The following CADM2 variants were observed in gnomAD, a reference collection of about 807,000 sequenced individuals.
CADM2 encodes the protein immunoglobulin superfamily member 4D.
A neutral mutation model predicts 49.8 loss-of-function variants in CADM2; 12 were observed. The ratio of observed to expected loss-of-function variants is 0.24; its 90% confidence interval spans 0.15 to 0.39. The LOEUF (loss-of-function observed/expected upper bound fraction) is 0.39. Ranked by LOEUF, CADM2 falls within the 10% of genes least tolerant of loss-of-function variation. The pLI, the probability that CADM2 is intolerant of heterozygous loss-of-function variation, is 1.00. For missense variants in CADM2, 378 were observed against 492.3 expected, an observed-to-expected ratio of 0.77 and a Z score of 2.20; for synonymous variants, 214 against 175.4, an observed-to-expected ratio of 1.22 and a Z score of -1.74.
intron 1 of CADM2, among the ~76,000 whole-genome samples, chr3:85,104,187 C>T (rs955569716): frequency 6.6e-6 from 1 of 150,686 alleles, no homozygotes; most frequent in Non-Finnish European, 1.5e-5. Context: ...TTAGGTCTAA[C>T]GTTTAAGTCT....
chr3:85,541,775 T>TA lies in CADM2; in HGVS notation c.62-184747_62-184746insA, dbSNP rs1559897737. On this transcript the variant is annotated intron_variant, in intron 1 of 9. Transcript: ENST00000383699. ...ATATTTTATATATATATTTTATATT[T>TA]TATATATATATATATATATGTATAG... 7.9e-4 allele frequency among the ~76,000 whole-genome samples: 70 copies of TA among 88,310 alleles called. 3 individuals carry two copies. Among genetic ancestry groups the TA allele is most frequent in the African/African-American group, 2.0e-3 (60 of 30,736 alleles). The allele number at this position is 88,310 out of a possible 152,430, so 57.9% of individuals were successfully genotyped here. A position where few individuals can be genotyped will look rare whatever the true frequency, so the allele number is the denominator to read the frequency against.
intron 1 of CADM2, among the ~76,000 whole-genome samples, chr3:85,433,370 T>A (rs779592003): frequency 6.6e-6 from 1 of 152,112 alleles, no homozygotes; most frequent in Non-Finnish European, 1.5e-5. Context: ...TGTGTATGCA[T>A]GTGTGTGTTC....
chr3:85,531,324 C>A (rs2061304127), intron 1 of CADM2, among the ~76,000 whole-genome samples: 1 of 152,110 alleles, frequency 6.6e-6, no homozygotes, highest in Non-Finnish European at 1.5e-5. Flanking sequence ...GACATAAAGA[C>A]ACTTATTTGG....
intron 1 of CADM2, among the ~76,000 whole-genome samples, chr3:85,191,074 C>A (rs1435440640): frequency 2.0e-5 from 3 of 151,856 alleles, no homozygotes; most frequent in East Asian, 1.9e-4. Flanking sequence ...ATTCTGTTGG[C>A]AAAATATATT....
chr3:85,349,244 T>C lies in CADM2; in HGVS notation c.62-377278T>C, dbSNP rs562180840. Among the ~76,000 whole-genome samples, 10 of 152,336 alleles carry C rather than the reference T, an allele frequency of 6.6e-5. 1 individual carries two copies. The highest frequency in any genetic ancestry group is 2.4e-4 in the African/African-American group (10 of 41,588). On this transcript the variant is annotated intron_variant, in intron 1 of 9. Coordinates refer to ENST00000383699, the MANE Select transcript of CADM2 (RefSeq NM_001167675.2). ...TATTAAGGTTTAACGTTCAGAGGTT[T>C]AACCATAAGTGAAAGAGTTAAATGA...
chr3:85,504,787 G>A (rs2040257356), intron 1 of CADM2, among the ~76,000 whole-genome samples: 2 of 152,226 alleles, frequency 1.3e-5, no homozygotes, highest in African/African-American at 4.8e-5. Context: ...GGGAGGCTCA[G>A]GCATGGCGGT....
At chr3:85,396,293 A>T (rs1020435762) in intron 1 of CADM2, among the ~76,000 whole-genome samples, 2 of 151,812 alleles carry the variant, frequency 1.3e-5, no homozygotes, top group African/African-American at 4.8e-5. Flanking sequence ...TTATTCATAT[A>T]TAATTATTTT....
At chr3:85,214,942 T>C (rs1295490389) in intron 1 of CADM2, among the ~76,000 whole-genome samples, 1 of 152,050 alleles carries the variant, frequency 6.6e-6, no homozygotes, top group East Asian at 1.9e-4. Context: ...TGTTTGGTGC[T>C]CTACCCCACT....
chr3:85,809,233 G>C (rs1343798251), intron 3 of CADM2, among the ~76,000 whole-genome samples: 1 of 152,092 alleles, frequency 6.6e-6, no homozygotes, highest in East Asian at 1.9e-4. Flanking sequence ...TATTTTATAT[G>C]TAAAGACACT....
intron 1 of CADM2, among the ~76,000 whole-genome samples, chr3:85,131,147 C>G (rs2039216686): frequency 6.6e-6 from 1 of 151,614 alleles, no homozygotes; most frequent in East Asian, 1.9e-4. Flanking sequence ...CCATTGCACT[C>G]CAGCCTGGGC....
intron 5 of CADM2, among the ~76,000 whole-genome samples, chr3:85,896,986 G>A (rs1472867564): frequency 6.6e-6 from 1 of 152,028 alleles, no homozygotes; most frequent in Non-Finnish European, 1.5e-5. Context: ...TATTTCTCAT[G>A]TATCTGTAAT....
chr3:86,047,262 T>C (rs967327149), intron 8 of CADM2, among the ~76,000 whole-genome samples: 24 of 152,164 alleles, frequency 1.6e-4, no homozygotes, highest in African/African-American at 5.8e-4. Context: ...TTAAGTCAAG[T>C]AATCCCAAAT....
At position 85,845,077 on chromosome 3, in the gene CADM2, G is replaced by A. The variant is rs1001975287; in HGVS notation, c.239-38214G>A. ...GGTTAATACAAGGAGGTTCACTTGA[G>A]CCCAGGAGTTTGAGGCTGGAGTGAG... On this transcript the variant is annotated intron_variant, in intron 3 of 9. Coordinates refer to ENST00000383699, the MANE Select transcript of CADM2 (RefSeq NM_001167675.2). 1.2e-4 allele frequency among the ~76,000 whole-genome samples: 18 copies of A among 149,572 alleles called. No homozygotes were observed. The Middle Eastern group carries it at 0.01, about 87-fold the overall frequency.
At chr3:85,213,544 G>A (rs1597790) in intron 1 of CADM2, among the ~76,000 whole-genome samples, 151,943 of 152,186 alleles carry the variant, frequency 1, 75,852 homozygotes, top group Middle Eastern at 1. Context: ...GCTTTAAGGT[G>A]GTTTCCTTTA....
chr3:85,583,063 G>A (rs1415245703), intron 1 of CADM2, among the ~76,000 whole-genome samples: 1 of 152,086 alleles, frequency 6.6e-6, no homozygotes, highest in Non-Finnish European at 1.5e-5. Context: ...ATATGTTGGT[G>A]GGGATTTTTA....
intron 8 of CADM2, chr3:86,013,571 C>T (rs1731818187): frequency 1.9e-6 from 3 of 1,602,202 alleles, no homozygotes; most frequent in South Asian, 1.1e-5. Context: ...TCTGTGAGAG[C>T]TGTATTCGAG....
chr3:85,298,377 G>T (rs2044017647), intron 1 of CADM2, among the ~76,000 whole-genome samples: 1 of 152,108 alleles, frequency 6.6e-6, no homozygotes, highest in Non-Finnish European at 1.5e-5. Context: ...CCTCTGAAAT[G>T]AGATCTAATT....
chr3:85,920,232 G>A (rs1320286573), intron 6 of CADM2, among the ~76,000 whole-genome samples: 1 of 151,786 alleles, frequency 6.6e-6, no homozygotes, highest in Non-Finnish European at 1.5e-5. Context: ...TCTCATTTAT[G>A]AAATGCTAAT....
chr3:85,300,126 C>T (rs999882792), intron 1 of CADM2, among the ~76,000 whole-genome samples: 1 of 152,050 alleles, frequency 6.6e-6, no homozygotes, highest in African/African-American at 2.4e-5. Context: ...GGGCTTATGG[C>T]TCCCAAGCAT....
Sources: gnomAD v4.1 joint callset for allele counts (sites outside exome capture counted in the v4.1 genomes callset) on GRCh38, gnomAD v4.1.1 for gene constraint, MANE v1.5 for transcripts, NCBI Gene and HGNC (gene_info 2026-07-23, HGNC 2026-07-21) for gene names.